Variants in IQSEC1 observed in about 807,000 individuals in gnomAD.
The protein encoded by IQSEC1 is IQ motif and SEC7 domain-containing protein 1.
In IQSEC1, 31 loss-of-function variants were observed where a neutral mutation model predicts 91.0. The ratio of observed to expected loss-of-function variants is 0.34; its 90% CI spans 0.26 to 0.46. The LOEUF is 0.46. IQSEC1 is among the 20% of genes least tolerant of loss of function. IQSEC1 has a pLI of 1.00. For missense variants in IQSEC1, 1,388 were observed against 1,575.6 expected (o/e 0.88, Z 2.02); for synonymous variants, 699 against 662.6 (o/e 1.05, Z -0.84).
At chr3:13,255,964 G>A (rs570250069) in intron 1 of IQSEC1, among the ~76,000 whole-genome samples, 25 of 152,290 alleles carry the variant, frequency 1.6e-4, no homozygotes, top group African/African-American at 5.5e-4. Flanking sequence ...GGGAGGGGGC[G>A]TTACTGGACC....
At chr3:13,000,802 C>A (rs1292804462) in intron 1 of IQSEC1, among the ~76,000 whole-genome samples, 1 of 152,170 alleles carries the variant, frequency 6.6e-6, no homozygotes, top group Non-Finnish European at 1.5e-5. Context: ...GAACTGGTAC[C>A]CACTTTGTGT....
intron 1 of IQSEC1, among the ~76,000 whole-genome samples, chr3:13,254,431 A>G (rs1695251486): frequency 6.6e-6 from 1 of 152,214 alleles, no homozygotes; most frequent in African/African-American, 2.4e-5. Context: ...CCAACTGGTG[A>G]TCAGGAAGGC....
intron 1 of IQSEC1, among the ~76,000 whole-genome samples, chr3:13,034,198 C>T (rs1703950006): frequency 6.6e-6 from 1 of 152,132 alleles, no homozygotes; most frequent in African/African-American, 2.4e-5. Flanking sequence ...CAGGCCCAGG[C>T]GTCTCCCCCC....
intron 1 of IQSEC1, among the ~76,000 whole-genome samples, chr3:12,977,804 T>C (rs1458347924): frequency 2.0e-5 from 3 of 152,254 alleles, no homozygotes; most frequent in Admixed American, 6.5e-5. Context: ...TGCAGTCATC[T>C]TTATGTTACT....
chr3:13,036,657 G>T (rs1230933941), intron 1 of IQSEC1, among the ~76,000 whole-genome samples: 1 of 152,144 alleles, frequency 6.6e-6, no homozygotes, highest in Non-Finnish European at 1.5e-5. Context: ...GACAGCCCTG[G>T]ATGAGCCCAG....
In IQSEC1 at chr3:12,936,476, C is replaced by G; in HGVS notation, c.540G>C (p.Gly180=). ...PEKVHSSYFE[G]KQVSVTNDGS... ...CGTCGTTAGTCACTGAGACCTGCTT[C>G]CCCTCGAAGTAGGAGCTGTGCACTT... The change falls in exon 3 of 14, where the codon GGG becomes GGC. Residue 180 remains glycine (G), a synonymous_variant. Transcript: ENST00000613206. 6.2e-7 allele frequency: 1 copy of G among 1,611,778 alleles called. No individual in the cohort carries two copies. The highest frequency in any genetic ancestry group is 8.5e-7 in the Non-Finnish European group (1 of 1,178,596).
rs1705491104 is a variant in IQSEC1, at chr3:13,073,134, G to T, written c.-120C>A. 4.8e-6 allele frequency: 6 copies of T among 1,258,260 alleles called. No individual in the cohort carries two copies. The highest frequency in any genetic ancestry group is 6.8e-6 in the Non-Finnish European group (6 of 885,886). 77.9% of individuals were successfully genotyped at this position (1,258,260 alleles called of 1,614,324 possible). ...GAGGGGAATAAAATTAAATCGCGGG[G>T]CGAGTCACATTCCCGGGGGTGGCGG... On this transcript the variant is annotated 5_prime_UTR_variant, in exon 1 of 14. Coordinates refer to ENST00000613206, the MANE Select transcript of IQSEC1 (RefSeq NM_001134382.3).
chr3:12,948,071 GCT>G (rs1451229794), intron 1 of IQSEC1, among the ~76,000 whole-genome samples: 9 of 152,242 alleles, frequency 5.9e-5, no homozygotes, highest in African/African-American at 2.2e-4. Flanking sequence ...CTGCTTACCA[GCT>G]GTGTGACCAC....
rs143395817 is a variant in IQSEC1, at chr3:13,246,167, C to T, written c.272+36544G>A. Among the ~76,000 whole-genome samples, 34 of 152,326 alleles carry T rather than the reference C, an allele frequency of 2.2e-4. 1 individual carries two copies. The East Asian group carries it at 4.4e-3, about 20-fold the overall frequency. ...AAATGCGGCCTATCCATGCAAGGGA[C>T]TATTAGCCCTACAAAGGAAGAAGGT... On this transcript the variant is annotated intron_variant, in intron 1 of 15. Coordinates refer to the IQSEC1 transcript ENST00000648114.
chr3:13,181,421 T>C (rs11708043), intron 1 of IQSEC1, among the ~76,000 whole-genome samples: 9,740 of 152,274 alleles, frequency 0.064, 325 homozygotes, highest in East Asian at 0.071. Context: ...ATAAAATACC[T>C]AAACAACACT....
At chr3:13,036,023 T>C (rs982103507) in intron 1 of IQSEC1, among the ~76,000 whole-genome samples, 1 of 152,166 alleles carries the variant, frequency 6.6e-6, no homozygotes, top group South Asian at 2.1e-4. Flanking sequence ...GCTGGGTGGG[T>C]GCGTGGGCAG....
At chr3:13,106,150 C>T (rs1706147822) in intron 2 of IQSEC1, among the ~76,000 whole-genome samples, 1 of 152,158 alleles carries the variant, frequency 6.6e-6, no homozygotes, top group African/African-American at 2.4e-5. Context: ...AGAGAGGAAT[C>T]CATATCCAGC....
chr3:13,074,040 G>C (rs1335984617), upstream of IQSEC1, among the ~76,000 whole-genome samples: 1 of 152,242 alleles, frequency 6.6e-6, no homozygotes, highest in African/African-American at 2.4e-5. Context: ...CCTTCCATGT[G>C]CCGGGCAAGT....
At chr3:13,022,315 ATCCACCGGCCAGCC>A in intron 1 of IQSEC1, 3 of 1,206,278 alleles carry the variant, frequency 2.5e-6, no homozygotes, top group Non-Finnish European at 3.1e-6. Flanking sequence ...AGGCCCCACT[ATCCACCGGCCAGCC>A]TCTGTGCCCT....
chr3:12,899,819 T>C lies in IQSEC1; in HGVS notation c.*1164A>G, dbSNP rs1694046104. 1.0e-6 allele frequency: 1 copy of C among 985,104 alleles called. No homozygotes were observed. The highest frequency in any genetic ancestry group is 4.7e-5 in the South Asian group (1 of 21,262). The allele number at this position is 985,104 out of a possible 1,614,324, so 61.0% of individuals were successfully genotyped here. On this transcript the variant is annotated 3_prime_UTR_variant, in exon 14 of 14. Transcript: ENST00000613206. The stretch of plus-strand genomic sequence containing the variant: ...TCTGAGGGCTTCGGCCTGGTGTGGG[T>C]TGGAGGCGGGATGAGGACGTTATGG...
At chr3:13,146,189 G>T (rs1185684944) in intron 2 of IQSEC1, among the ~76,000 whole-genome samples, 2 of 150,626 alleles carry the variant, frequency 1.3e-5, no homozygotes, top group African/African-American at 4.9e-5. Flanking sequence ...GTCTGGCTAT[G>T]TTGCCCAGGC....
Position 12,902,670 on chromosome 3 carries a change from C to CAAAAAAAA in IQSEC1, c.2805+95_2805+102dup, listed in dbSNP as rs1213830618. ...AAAAAAAAAACAACAAAAAAAAAAC[C>CAAAAAAAA]AAAAAAAAAAAAAAAAAAAAAAAAC... On this transcript the variant is annotated intron_variant, in intron 13 of 13. Coordinates refer to ENST00000613206, the MANE Select transcript of IQSEC1 (RefSeq NM_001134382.3). 65 of 192,632 alleles carry CAAAAAAAA rather than the reference C, an allele frequency of 3.4e-4. 1 individual carries two copies. The highest frequency in any genetic ancestry group is 8.2e-4 in the African/African-American group (12 of 14,692). 11.9% of individuals were successfully genotyped at this position (192,632 alleles called of 1,614,324 possible).
chr3:13,115,929 G>C (rs1313844917), intron 2 of IQSEC1, among the ~76,000 whole-genome samples: 1 of 152,164 alleles, frequency 6.6e-6, no homozygotes, highest in East Asian at 1.9e-4. Flanking sequence ...CAACCAAAAG[G>C]TTAGCATCGG....
rs976739449 is a variant in IQSEC1 at position 13,259,827 on chromosome 3, C to T, written c.272+22884G>A. ...CCAATGCCACCCAAGAAAAGGTCAA[C>T]GGGGCTTGCTTGTTGTGGCGCTCAG... is the stretch of plus-strand genomic sequence containing the variant. On this transcript the variant is annotated intron_variant, in intron 1 of 15. Coordinates refer to the IQSEC1 transcript ENST00000648114. This position sits in a 1 kb window ranked among gnomAD's most constrained non-coding sequence, Gnocchi z 4.6. Among the ~76,000 whole-genome samples, 2 of 152,258 alleles carry T rather than the reference C, an allele frequency of 1.3e-5. No homozygotes were observed. Among genetic ancestry groups the T allele is most frequent in the Admixed American group, 6.5e-5 (1 of 15,288 alleles).
Sources: allele counts gnomAD v4.1 joint callset (sites outside exome capture counted in the v4.1 genomes callset), GRCh38; gene constraint gnomAD v4.1.1; non-coding constraint Gnocchi (gnomAD v3.1); transcripts MANE v1.5; gene names NCBI Gene and HGNC (gene_info 2026-07-23, HGNC 2026-07-21).